The following ARVCF variants were observed in gnomAD, a reference collection of about 807,000 sequenced individuals.
The protein encoded by ARVCF is ARVCF delta catenin family member.
A neutral mutation model predicts 90.9 loss-of-function variants in ARVCF; 66 were observed. That is an observed-to-expected ratio of 0.73 (90% CI 0.60 to 0.89). The LOEUF is 0.89. Among genes scored for constraint, ARVCF ranks in the 40% least tolerant of loss-of-function variants. The pLI, the probability that ARVCF is intolerant of heterozygous loss-of-function variation, is 0.00. For missense variants in ARVCF, 1,469 were observed against 1,382.3 expected (o/e 1.06, Z -1.00); for synonymous variants, 653 against 603.4 (o/e 1.08, Z -1.21).
intron 1 of ARVCF, among the ~76,000 whole-genome samples, chr22:20,011,059 C>G (rs1025500779): frequency 6.6e-6 from 1 of 152,240 alleles, no homozygotes; most frequent in Non-Finnish European, 1.5e-5. Context: ...AGGTTCCTGG[C>G]CCTGGAGCTG....
At position 19,972,962 on chromosome 22, in the gene ARVCF, G is replaced by C. The variant is rs143382568; in HGVS notation, c.2513C>G (p.Thr838Ser). ...CTTGGTCCAACCATCTTTCTGCAAG[G>C]TACCACGCAGCTCCTTGTAGCTCCA... is the stretch of plus-strand genomic sequence containing the variant. ...TVWSYKELRG[T>S]LQKDGWTKAR... Residue 838 changes from threonine to serine, a missense_variant, in exon 15 of 20, where the codon ACC becomes AGC. Thr to Ser is a moderately conservative substitution (Grantham distance 58, BLOSUM62 1). Coordinates refer to ENST00000263207, the MANE Select transcript of ARVCF (RefSeq NM_001670.3). 1.1e-4 allele frequency: 179 copies of C among 1,613,794 alleles called. 4 individuals are homozygous for C. The Middle Eastern group carries it at 1.8e-3, about 16-fold the overall frequency.
chr22:19,980,164 C>G lies in ARVCF; in HGVS notation c.975G>C (p.Leu325=). The part of the protein sequence containing the change: ...RPAFPMVTAP[L]AQPERGSMGS... Reference sequence around the variant, plus strand: ...CCATGCTGCCCCGTTCAGGCTGGGCCAGGGGCGCCGTCACCATTGGGAACG... The same window carrying G: ...CCATGCTGCCCCGTTCAGGCTGGGCGAGGGGCGCCGTCACCATTGGGAACG... Residue 325 remains leucine, a synonymous_variant, in exon 6 of 20, where the codon CTG becomes CTC. Coordinates refer to ENST00000263207, the MANE Select transcript of ARVCF (RefSeq NM_001670.3). The G allele has an allele frequency of 1.3e-6, 2 of 1,582,140 alleles. No individual in the cohort carries two copies. Among genetic ancestry groups the G allele is most frequent in the Non-Finnish European group, 1.7e-6 (2 of 1,165,154 alleles).
intron 2 of ARVCF, among the ~76,000 whole-genome samples, chr22:20,000,258 G>T (rs547883655): frequency 6.6e-6 from 1 of 152,316 alleles, no homozygotes; most frequent in African/African-American, 2.4e-5. Flanking sequence ...TGCTCCCAGG[G>T]TGCCTGGGGC....
At chr22:20,012,086 C>CCG (rs1555954536) in intron 1 of ARVCF, among the ~76,000 whole-genome samples, 5 of 127,126 alleles carry the variant, frequency 3.9e-5, no homozygotes, top group South Asian at 3.1e-4. Flanking sequence ...AAGTCCCCCC[C>CCG]CCCCACCCAG....
intron 18 of ARVCF, 83 bp downstream of exon 18, chr22:19,971,803 C>A: frequency 1.4e-6 from 2 of 1,466,474 alleles, no homozygotes; most frequent in Non-Finnish European, 1.9e-6. Flanking sequence ...CAGACCAGAC[C>A]CAGCATGGCC....
At chr22:20,009,543 G>A (rs948808091) in intron 2 of ARVCF, among the ~76,000 whole-genome samples, 2 of 152,200 alleles carry the variant, frequency 1.3e-5, no homozygotes, top group African/African-American at 4.8e-5. Flanking sequence ...ACTGCTTTTT[G>A]GGGGGACAGG....
downstream of ARVCF, chr22:19,969,397 C>T (rs1942614148): frequency 1.3e-5 from 2 of 152,882 alleles, no homozygotes; most frequent in Admixed American, 6.5e-5. Context: ...TTCCCTACTC[C>T]CCACTGGGCC....
intron 6 of ARVCF, 47 bp downstream of exon 6, chr22:19,979,696 C>T: frequency 6.5e-7 from 1 of 1,541,916 alleles, no homozygotes; most frequent in Non-Finnish European, 8.8e-7. Context: ...TTGAGCCTCA[C>T]ACTCTTCTCT....
intron 3 of ARVCF, among the ~76,000 whole-genome samples, chr22:19,988,088 CG>C (rs1211899012): frequency 6.6e-6 from 1 of 152,218 alleles, no homozygotes; most frequent in Non-Finnish European, 1.5e-5. Flanking sequence ...AGAAAGGGCT[CG>C]GGCCCAGGCC....
At chr22:20,006,146 G>C (rs1312215132) in intron 2 of ARVCF, among the ~76,000 whole-genome samples, 1 of 152,106 alleles carries the variant, frequency 6.6e-6, no homozygotes, top group Non-Finnish European at 1.5e-5. Context: ...TTTCTATTTT[G>C]CAAGAATAAA....
At chr22:19,981,050 G>A in intron 5 of ARVCF, 161 bp downstream of exon 5, 1 of 955,380 alleles carries the variant, frequency 1.0e-6, no homozygotes, top group Non-Finnish European at 1.5e-6. Flanking sequence ...ACCACCCCAG[G>A]GTCCACCTTT....
intron 1 of ARVCF, among the ~76,000 whole-genome samples, chr22:20,015,436 G>A (rs1191976046): frequency 1.3e-5 from 2 of 152,266 alleles, no homozygotes; most frequent in South Asian, 2.1e-4. Context: ...ATGGCACACC[G>A]GGCAAGAGAG....
At chr22:20,012,889 C>T (rs1271121404) in intron 1 of ARVCF, among the ~76,000 whole-genome samples, 1 of 152,238 alleles carries the variant, frequency 6.6e-6, no homozygotes, top group Admixed American at 6.5e-5. Flanking sequence ...GGGCAGCTCC[C>T]ATGGGTACAC....
At chr22:19,998,308 G>A (rs552638966) in intron 2 of ARVCF, among the ~76,000 whole-genome samples, 6 of 152,256 alleles carry the variant, frequency 3.9e-5, no homozygotes, top group Admixed American at 2.0e-4. Context: ...GAAACACCCA[G>A]GCTTCTCCTG....
At chr22:19,976,143 C>T (rs887200) in intron 10 of ARVCF, among the ~76,000 whole-genome samples, 112,612 of 152,052 alleles carry the variant, frequency 0.74, 43,819 homozygotes, top group Non-Finnish European at 0.88. Context: ...ACAAGACTCA[C>T]TTGGGTCACA....
At chr22:19,987,164 C>G (rs1191237860) in intron 3 of ARVCF, 6 of 448,874 alleles carry the variant, frequency 1.3e-5, no homozygotes, top group Non-Finnish European at 2.4e-5. Flanking sequence ...GGCTCCGGCG[C>G]CTCGGCCGCT....
intron 2 of ARVCF, among the ~76,000 whole-genome samples, chr22:20,001,601 C>T (rs549875919): frequency 2.6e-5 from 4 of 152,188 alleles, no homozygotes; most frequent in East Asian, 1.9e-4. Context: ...GTTGGGAGTT[C>T]GAGACCTGCC....
At position 19,970,149 on chromosome 22, in the gene ARVCF, G is replaced by A. The variant is rs938681675; in HGVS notation, c.*607C>T. On this transcript the variant is annotated 3_prime_UTR_variant, in exon 20 of 20. Transcript: ENST00000263207. ...GGAGAAAGGCTCTCTACTGCACAGG[G>A]GCCTCACGTGACTGCAGGGCTCTGG... 1 of 986,548 alleles carries A rather than the reference G, an allele frequency of 1.0e-6. No homozygotes were observed. The highest frequency in any genetic ancestry group is 6.1e-5 in the Admixed American group (1 of 16,510). 61.1% of individuals were successfully genotyped at this position (986,548 alleles called of 1,614,324 possible).
At chr22:19,972,435 G>A in intron 16 of ARVCF, 24 bp from the exon 17 acceptor site, 1 of 1,613,040 alleles carries the variant, frequency 6.2e-7, no homozygotes, top group Non-Finnish European at 8.5e-7. Context: ...GGAGGAGACG[G>A]GCTGCATGTG....
Sources: gnomAD v4.1 joint callset for allele counts (sites outside exome capture counted in the v4.1 genomes callset) on GRCh38, gnomAD v4.1.1 for gene constraint, MANE v1.5 for transcripts, NCBI Gene and HGNC (gene_info 2026-07-23, HGNC 2026-07-21) for gene names.